DYM: variants seen among roughly 807,000 people sequenced by gnomAD.
DYM encodes dymeclin, also known as dyggve-Melchior-Clausen syndrome protein.
Under a neutral mutation model 93.1 loss-of-function variants are expected in DYM, and 78 were observed. The observed-to-expected ratio is 0.84, with a 90% CI of 0.70 to 1.01. The LOEUF is 1.01. Among genes scored for constraint, DYM ranks in the 50% least tolerant of loss-of-function variants. The pLI is 0.00. For synonymous variants in DYM, 321 were observed against 319.7 expected, an observed-to-expected ratio of 1.00 and a Z score of -0.04; for missense variants, 789 against 845.0, an observed-to-expected ratio of 0.93 and a Z score of 0.82.
At chr18:49,321,157 A>G (rs966632568) in intron 8 of DYM, 9 of 381,704 alleles carry the variant, frequency 2.4e-5, no homozygotes, top group African/African-American at 1.7e-4. Context: ...TAATATTCTC[A>G]CTTTTAAATA....
At chr18:49,078,920 T>C (rs759279672) in intron 17 of DYM, among the ~76,000 whole-genome samples, 24 of 152,258 alleles carry the variant, frequency 1.6e-4, no homozygotes, top group Non-Finnish European at 2.6e-4. Flanking sequence ...CTCTGACTTC[T>C]AATGAGAAGT....
intron 2 of DYM, among the ~76,000 whole-genome samples, chr18:49,425,880 A>G (rs553326657): frequency 6.6e-6 from 1 of 152,016 alleles, no homozygotes; most frequent in South Asian, 2.1e-4. Context: ...GGCGATCATT[A>G]AAAAGTCAGG....
At chr18:49,215,089 T>C (rs141247878) in intron 13 of DYM, among the ~76,000 whole-genome samples, 484 of 152,352 alleles carry the variant, frequency 3.2e-3, no homozygotes, top group Non-Finnish European at 5.2e-3. Flanking sequence ...ATTAGAAAAC[T>C]TCTCCTTATA....
chr18:49,333,897 A>C, intron 6 of DYM, 44 bp from the exon 7 acceptor site: 1 of 1,563,470 alleles, frequency 6.4e-7, no homozygotes, highest in Non-Finnish European at 8.8e-7. Flanking sequence ...TTGGAAGATT[A>C]AGACACTATT....
intron 2 of DYM, among the ~76,000 whole-genome samples, chr18:49,428,405 C>G (rs2074500205): frequency 6.6e-6 from 1 of 152,164 alleles, no homozygotes; most frequent in South Asian, 2.1e-4. Flanking sequence ...AAATTAGTGG[C>G]TGGACGCAGT....
intron 13 of DYM, among the ~76,000 whole-genome samples, chr18:49,242,785 C>A (rs1347568836): frequency 6.6e-6 from 1 of 152,156 alleles, no homozygotes; most frequent in African/African-American, 2.4e-5. Flanking sequence ...CTGCAAGCTC[C>A]GCCTCTGGGG....
intron 10 of DYM, among the ~76,000 whole-genome samples, chr18:49,281,670 G>A (rs529925592): frequency 1.3e-5 from 2 of 152,234 alleles, no homozygotes; most frequent in East Asian, 3.9e-4. Flanking sequence ...GGATGAAGCT[G>A]GAAACCATCA....
intron 8 of DYM, among the ~76,000 whole-genome samples, chr18:49,320,110 C>T (rs926299025): frequency 5.3e-5 from 8 of 152,142 alleles, no homozygotes; most frequent in African/African-American, 1.9e-4. Context: ...TATTAGCGTG[C>T]AGTCAGGTCT....
chr18:49,162,974 G>A (rs1042163975), intron 15 of DYM, among the ~76,000 whole-genome samples: 1 of 152,140 alleles, frequency 6.6e-6, no homozygotes, highest in Admixed American at 6.5e-5. Context: ...CCCCAAAACA[G>A]GACCCAATGG....
intron 10 of DYM, among the ~76,000 whole-genome samples, chr18:49,279,283 G>T (rs1010362985): frequency 6.6e-6 from 1 of 152,126 alleles, no homozygotes; most frequent in Non-Finnish European, 1.5e-5. Flanking sequence ...AGCCTTATGG[G>T]ATTTACACAC....
chr18:49,070,511 G>T (rs557083809), intron 17 of DYM, among the ~76,000 whole-genome samples: 1 of 152,162 alleles, frequency 6.6e-6, no homozygotes. Flanking sequence ...GGAAACCACT[G>T]CAGCTCAAAG....
chr18:49,205,585 T>C (rs891179538), intron 14 of DYM, among the ~76,000 whole-genome samples: 1 of 152,176 alleles, frequency 6.6e-6, no homozygotes, highest in African/African-American at 2.4e-5. Flanking sequence ...CTATCAATCA[T>C]CCAAGAAGAT....
chr18:49,352,291 A>G (rs2065179845), intron 6 of DYM, among the ~76,000 whole-genome samples: 1 of 152,212 alleles, frequency 6.6e-6, no homozygotes, highest in African/African-American at 2.4e-5. Context: ...GATAATGGTG[A>G]TGGTTGTACA....
At chr18:49,080,171 A>C (rs1404383215) in intron 17 of DYM, among the ~76,000 whole-genome samples, 11 of 36,400 alleles carry the variant, frequency 3.0e-4, no homozygotes, top group African/African-American at 7.9e-4. Context: ...TGACCCCCCC[A>C]CCTCCCTCCC....
intron 6 of DYM, among the ~76,000 whole-genome samples, chr18:49,348,707 G>A (rs1190550883): frequency 6.6e-6 from 1 of 151,534 alleles, no homozygotes; most frequent in Non-Finnish European, 1.5e-5. Flanking sequence ...TCAAGACATA[G>A]AGGCCATCCT....
At chr18:49,303,539 T>C (rs2061079445) in intron 8 of DYM, among the ~76,000 whole-genome samples, 2 of 152,202 alleles carry the variant, frequency 1.3e-5, no homozygotes, top group South Asian at 4.2e-4. Flanking sequence ...GGCATTTCAG[T>C]GTATGGAATG....
intron 17 of DYM, among the ~76,000 whole-genome samples, chr18:49,074,043 G>C (rs1238492278): frequency 6.6e-6 from 1 of 152,184 alleles, no homozygotes; most frequent in East Asian, 1.9e-4. Context: ...ATTCTGATCA[G>C]TCATATGAAT....
chr18:49,172,089 T>C (rs1300975441), intron 14 of DYM, among the ~76,000 whole-genome samples: 1 of 152,302 alleles, frequency 6.6e-6, no homozygotes, highest in East Asian at 1.9e-4. Context: ...GTCACTGTAG[T>C]TGCCTTTTCT....
intron 17 of DYM, among the ~76,000 whole-genome samples, chr18:49,081,922 C>T (rs751303367): frequency 9.2e-5 from 14 of 152,232 alleles, no homozygotes; most frequent in Non-Finnish European, 1.3e-4. Flanking sequence ...TTTCCATCCT[C>T]CAAGTGAAGA....
Sources: allele counts gnomAD v4.1 joint callset (sites outside exome capture counted in the v4.1 genomes callset), GRCh38; gene constraint gnomAD v4.1.1; transcripts MANE v1.5; gene names NCBI Gene and HGNC (gene_info 2026-07-23, HGNC 2026-07-21).